Variants in KIAA0232 observed in about 807,000 individuals in gnomAD.
The protein encoded by KIAA0232 is KIAA0232.
In KIAA0232, 27 loss-of-function variants were observed where a neutral mutation model predicts 122.0. That is an observed-to-expected ratio of 0.22 (90% CI 0.16 to 0.31). The LOEUF (loss-of-function observed/expected upper bound fraction) is 0.31, where lower values mean the gene tolerates loss of function less well. Ranked by LOEUF, KIAA0232 falls within the 10% of genes least tolerant of loss-of-function variation. The probability of loss-of-function intolerance (pLI) is 1.00; values close to 1 mark genes in which losing one functional copy is unlikely to be tolerated. For missense variants in KIAA0232, 1,551 were observed against 1,634.2 expected (o/e 0.95, Z 0.88); for synonymous variants, 613 against 587.6 (o/e 1.04, Z -0.63).
chr4:6,817,343 A>G lies in KIAA0232; in HGVS notation c.-269-6842A>G, dbSNP rs1039972494. On this transcript the variant is annotated intron_variant, in intron 2 of 9. Coordinates refer to ENST00000307659, the MANE Select transcript of KIAA0232 (RefSeq NM_014743.3). ...GTGATTCTTTCACCTCAGCCTCCCAAGTAGCTGGGACTACAAGCGTCCGCC... is the reference window on the plus strand; with the variant it reads ...GTGATTCTTTCACCTCAGCCTCCCAGGTAGCTGGGACTACAAGCGTCCGCC... Among the ~76,000 whole-genome samples the G allele has an allele frequency of 2.0e-5, 3 of 152,102 alleles. No homozygotes were observed. The East Asian group carries it at 5.8e-4, about 29-fold the overall frequency.
chr4:6,785,002 C>T (rs1159709638), intron 1 of KIAA0232, among the ~76,000 whole-genome samples: 5 of 149,038 alleles, frequency 3.4e-5, no homozygotes, highest in Admixed American at 6.7e-5. Context: ...TCCGCGATCT[C>T]GGCTCACTCA....
chr4:6,823,797 A>T (rs777411714), intron 2 of KIAA0232, among the ~76,000 whole-genome samples: 1 of 152,010 alleles, frequency 6.6e-6, no homozygotes, highest in Non-Finnish European at 1.5e-5. Context: ...ATTTTAAATG[A>T]TACTAAGCTT....
chr4:6,850,955 A>T (rs1301150572), intron 4 of KIAA0232, among the ~76,000 whole-genome samples: 1 of 152,222 alleles, frequency 6.6e-6, no homozygotes, highest in African/African-American at 2.4e-5. Flanking sequence ...GGCGTGAGCC[A>T]CCATGCTCGG....
At chr4:6,873,043 C>T (rs981791587) in intron 8 of KIAA0232, among the ~76,000 whole-genome samples, 2 of 152,192 alleles carry the variant, frequency 1.3e-5, no homozygotes, top group East Asian at 1.9e-4. Flanking sequence ...GATTGAACAG[C>T]GTTTATTGAA....
At chr4:6,825,901 C>CA (rs1304795573) in intron 3 of KIAA0232, among the ~76,000 whole-genome samples, 1 of 152,036 alleles carries the variant, frequency 6.6e-6, no homozygotes, top group Non-Finnish European at 1.5e-5. Flanking sequence ...CCAGACCACA[C>CA]AAAAAAACTT....
intron 2 of KIAA0232, among the ~76,000 whole-genome samples, chr4:6,822,993 T>C (rs1009140433): frequency 6.8e-6 from 1 of 147,594 alleles, no homozygotes; most frequent in African/African-American, 2.5e-5. Context: ...GTGTTCTCAT[T>C]GTTCAATTCC....
chr4:6,819,809 C>T (rs933533590), intron 2 of KIAA0232, among the ~76,000 whole-genome samples: 18 of 152,090 alleles, frequency 1.2e-4, no homozygotes, highest in African/African-American at 3.9e-4. Flanking sequence ...ATGTTCATCA[C>T]GGCACTATTC....
In KIAA0232 at chr4:6,842,134, G is replaced by T. The variant is rs1465871409; in HGVS notation, c.299G>T (p.Cys100Phe). The T allele has an allele frequency of 5.6e-6, 9 of 1,613,158 alleles. No individual in the cohort carries two copies. The East Asian group carries it at 2.0e-4, about 36-fold the overall frequency. Residue 100 changes from cysteine (C) to phenylalanine (F), a missense_variant, in exon 4 of 10, where the codon TGT becomes TTT. Cys to Phe is a radical substitution (Grantham distance 205). Coordinates refer to ENST00000307659, the MANE Select transcript of KIAA0232 (RefSeq NM_014743.3). The stretch of plus-strand genomic sequence containing the variant: ...AAATGGGGAAAGAGTAAGAAAAAAT[G>T]TTCAGATCTAACTCTAGAAGAAATG... ...YKKWGKSKKK[C>F]SDLTLEEMKK...
chr4:6,784,183 A>G (rs1325144705), intron 1 of KIAA0232, among the ~76,000 whole-genome samples: 1 of 151,902 alleles, frequency 6.6e-6, no homozygotes, highest in Non-Finnish European at 1.5e-5. Flanking sequence ...GTTCTTGCTA[A>G]TAATTACCTG....
chr4:6,840,038 T>C (rs1021236895), intron 3 of KIAA0232, among the ~76,000 whole-genome samples: 4 of 152,140 alleles, frequency 2.6e-5, no homozygotes. Context: ...TGGCCTAAAT[T>C]GGCTTACGGG....
chr4:6,826,645 C>T (rs1718702499), intron 3 of KIAA0232, among the ~76,000 whole-genome samples: 1 of 152,028 alleles, frequency 6.6e-6, no homozygotes, highest in African/African-American at 2.4e-5. Context: ...GCTGGAACCA[C>T]ATGTGTGTGG....
chr4:6,792,938 A>G (rs1169627829), intron 1 of KIAA0232, among the ~76,000 whole-genome samples: 10 of 151,990 alleles, frequency 6.6e-5, no homozygotes, highest in Non-Finnish European at 1.5e-4. Context: ...CGCCTGCCTC[A>G]GCCTCCCAAA....
At chr4:6,829,189 T>G (rs1560178466) in intron 3 of KIAA0232, among the ~76,000 whole-genome samples, 2 of 152,172 alleles carry the variant, frequency 1.3e-5, no homozygotes, top group Non-Finnish European at 2.9e-5. Flanking sequence ...CTTGTGCATT[T>G]ATGGTAGTAG....
chr4:6,825,127 A>C (rs1718612970), intron 3 of KIAA0232, among the ~76,000 whole-genome samples: 1 of 152,260 alleles, frequency 6.6e-6, no homozygotes, highest in African/African-American at 2.4e-5. Context: ...TTATCTGCTT[A>C]TTAGTCAGTA....
At position 6,861,974 on chromosome 4, in the gene KIAA0232, G is replaced by A. The variant is rs1720893898; in HGVS notation, c.1592G>A (p.Ser531Asn). The A allele has an allele frequency of 6.2e-7, 1 of 1,614,032 alleles. No homozygotes were observed. Residue 531 changes from serine (S) to asparagine (N), a missense_variant, in exon 7 of 10, where the codon AGT becomes AAT. Coordinates refer to ENST00000307659, the MANE Select transcript of KIAA0232 (RefSeq NM_014743.3). ...GCCTCAGAAACAATGCAAGGAGAAA[G>A]TCGGATTTTGAATATGATTCGACAG... ...PGASETMQGE[S>N]RILNMIRQKS...
intron 2 of KIAA0232, among the ~76,000 whole-genome samples, chr4:6,813,358 T>G (rs188917915): frequency 7.6e-4 from 115 of 152,044 alleles, no homozygotes; most frequent in South Asian, 1.7e-3. Context: ...TCTGTTTTTT[T>G]TTTTTTGTTT....
intron 9 of KIAA0232, among the ~76,000 whole-genome samples, chr4:6,878,429 A>C (rs1162373297): frequency 6.6e-6 from 1 of 151,870 alleles, no homozygotes; most frequent in African/African-American, 2.4e-5. Flanking sequence ...ATATACATAC[A>C]TAAATCTTGT....
At chr4:6,840,859 A>G (rs1351728819) in intron 3 of KIAA0232, among the ~76,000 whole-genome samples, 1 of 152,126 alleles carries the variant, frequency 6.6e-6, no homozygotes, top group Non-Finnish European at 1.5e-5. Flanking sequence ...GACTAAAAGG[A>G]TAACAATAAG....
intron 7 of KIAA0232, among the ~76,000 whole-genome samples, chr4:6,865,503 G>A (rs1261506307): frequency 2.0e-5 from 3 of 152,224 alleles, no homozygotes; most frequent in African/African-American, 2.4e-5. Flanking sequence ...GTTTTACCAG[G>A]TTGGCCAGGC....
Sources: gnomAD v4.1 joint callset for allele counts (sites outside exome capture counted in the v4.1 genomes callset) on GRCh38, gnomAD v4.1.1 for gene constraint, MANE v1.5 for transcripts, NCBI Gene and HGNC (gene_info 2026-07-23, HGNC 2026-07-21) for gene names.